The following ACACB variants were observed in gnomAD, a reference collection of about 807,000 sequenced individuals.
ACACB encodes the protein acetyl-CoA carboxylase 2.
ACACB carries 209 observed loss-of-function variants against 278.8 expected under a neutral mutation model. That is an observed-to-expected ratio of 0.75 (90% CI 0.67 to 0.84). The LOEUF is 0.84. Ranked by LOEUF, ACACB falls within the 40% of genes least tolerant of loss-of-function variation. ACACB has a pLI of 0.00. For synonymous variants in ACACB, 1,174 were observed against 1,285.6 expected (o/e 0.91, Z 1.86); for missense variants, 2,850 against 3,269.0 (o/e 0.87, Z 3.13).
rs149739133 is a variant in ACACB at position 109,206,745 on chromosome 12, G to A, written c.2949G>A (p.Gln983=). 19 of 1,614,022 alleles carry A rather than the reference G, an allele frequency of 1.2e-5. No homozygotes were observed. Among genetic ancestry groups the A allele is most frequent in the Non-Finnish European group, 1.4e-5 (17 of 1,180,030 alleles). Residue 983 remains glutamine (Q), a synonymous_variant, in exon 20 of 53, where the codon CAG becomes CAA. Transcript: ENST00000338432. ...EPFTGELPAQ[Q]TLPILGEKLH... ...TCACAGGAGAACTCCCTGCCCAGCAGACACTGCCCATCCTCGGAGAGAAAC... is the reference window on the plus strand; with the variant it reads ...TCACAGGAGAACTCCCTGCCCAGCAAACACTGCCCATCCTCGGAGAGAAAC...
In ACACB at chr12:109,179,304, T is replaced by C. The variant is rs761045560; in HGVS notation, c.1647+7T>C. ...ATTCGAGTTCATGGAGCAGGTACACTTCTCAGAGCCCAGGGGGCAGCTTCA... is the reference window on the plus strand; with the variant it reads ...ATTCGAGTTCATGGAGCAGGTACACCTCTCAGAGCCCAGGGGGCAGCTTCA... On this transcript the variant is annotated splice_region_variant and intron_variant, in intron 10 of 52. Coordinates refer to ENST00000338432, the MANE Select transcript of ACACB (RefSeq NM_001093.4). The C allele has an allele frequency of 6.8e-6, 11 of 1,611,682 alleles. No homozygotes were observed. The highest frequency in any genetic ancestry group is 8.5e-6 in the Non-Finnish European group (10 of 1,179,392).
In ACACB at chr12:109,216,601, C is replaced by G. The variant is rs143715871; in HGVS notation, c.3351-17C>G. The G allele has an allele frequency of 9.3e-6, 15 of 1,612,944 alleles. No homozygotes were observed. Among genetic ancestry groups the G allele is most frequent in the Admixed American group, 1.7e-5 (1 of 59,982 alleles). On this transcript the variant is annotated splice_polypyrimidine_tract_variant and intron_variant, in intron 22 of 52. Coordinates refer to ENST00000338432, the MANE Select transcript of ACACB (RefSeq NM_001093.4). ...GGAAGGGTGTGAGCATTAAGAGCAG[C>G]CTTCCCTTCTCCCCAGATACCGCAG...
rs1350439141 is a variant in ACACB at position 109,233,848 on chromosome 12, G to A, written c.4239+1G>A. 3 of 1,614,172 alleles carry A rather than the reference G, an allele frequency of 1.9e-6. No homozygotes were observed. The highest frequency in any genetic ancestry group is 1.1e-5 in the South Asian group (1 of 91,076). ...CCTATACTCCGAGGATGACTGCAAG[G>A]TAAGCGTCTAAGCCCAGGGAGCAAC... On this transcript the variant is annotated splice_donor_variant, in intron 30 of 52. Transcript: ENST00000338432. LOFTEE classifies it high-confidence loss of function.
At chr12:109,112,666 G>A (rs1351559513), upstream of ACACB, among the ~76,000 whole-genome samples, 1 of 125,932 alleles carries the variant, frequency 7.9e-6, no homozygotes, top group Non-Finnish European at 1.6e-5. Flanking sequence ...GGCAACAAGA[G>A]CATAAGAGCA....
intron 17 of ACACB, 86 bp from the exon 18 acceptor site, chr12:109,199,316 G>A: frequency 8.4e-7 from 1 of 1,193,966 alleles, no homozygotes; most frequent in Non-Finnish European, 1.1e-6. Flanking sequence ...CCTTTAGGAA[G>A]GGGAAATGGT....
At position 109,196,967 on chromosome 12, in the gene ACACB, C is replaced by T. The variant is rs1172818808; in HGVS notation, c.2482-41C>T. ...GGGGCCCAGCAGTGCTCTGGGAGCACATCCTGAACCCAGGCGGTGACAAGG... is the reference window on the plus strand; with the variant it reads ...GGGGCCCAGCAGTGCTCTGGGAGCATATCCTGAACCCAGGCGGTGACAAGG... On this transcript the variant is annotated intron_variant, in intron 16 of 52. Coordinates refer to ENST00000338432, the MANE Select transcript of ACACB (RefSeq NM_001093.4). 8.0e-6 allele frequency: 12 copies of T among 1,509,384 alleles called. No homozygotes were observed. The East Asian group carries it at 2.9e-4, about 36-fold the overall frequency. The allele number at this position is 1,509,384 out of a possible 1,614,324, so 93.5% of individuals were successfully genotyped here.
intron 2 of ACACB, among the ~76,000 whole-genome samples, chr12:109,146,108 GA>G (rs2043238037): frequency 6.6e-6 from 1 of 152,232 alleles, no homozygotes; most frequent in South Asian, 2.1e-4. Flanking sequence ...CTGCAAAATG[GA>G]AGCAGGGGCT....
chr12:109,133,987 T>C (rs1454426420), intron 1 of ACACB, among the ~76,000 whole-genome samples: 1 of 150,592 alleles, frequency 6.6e-6, no homozygotes, highest in Non-Finnish European at 1.5e-5. Flanking sequence ...GGTGCCATCA[T>C]GGCTCACTGT....
intron 37 of ACACB, among the ~76,000 whole-genome samples, chr12:109,244,771 T>C (rs944305835): frequency 4.6e-5 from 7 of 151,976 alleles, no homozygotes; most frequent in Admixed American, 2.0e-4. Context: ...TGTCTGTCTG[T>C]CTGCCTCTAT....
intron 1 of ACACB, among the ~76,000 whole-genome samples, chr12:109,126,697 A>G (rs1402777587): frequency 1.3e-5 from 2 of 150,892 alleles, no homozygotes; most frequent in African/African-American, 4.9e-5. Flanking sequence ...ACACACAAAA[A>G]AAATAAAAAA....
At chr12:109,255,114 A>ACG (rs1565977652) in intron 44 of ACACB, among the ~76,000 whole-genome samples, 1 of 152,056 alleles carries the variant, frequency 6.6e-6, no homozygotes, top group African/African-American at 2.4e-5. Flanking sequence ...ACACACACAC[A>ACG]CACGCACGTG....
chr12:109,115,531 G>T (rs2042386866), upstream of ACACB, among the ~76,000 whole-genome samples: 1 of 152,092 alleles, frequency 6.6e-6, no homozygotes, highest in Non-Finnish European at 1.5e-5. Context: ...GGCTACTGTG[G>T]CTAGAGAACA....
intron 11 of ACACB, among the ~76,000 whole-genome samples, chr12:109,180,811 G>T (rs1009261854): frequency 6.6e-6 from 1 of 152,070 alleles, no homozygotes; most frequent in African/African-American, 2.4e-5. Flanking sequence ...TTGTGTTATG[G>T]TGTTATGAAT....
At chr12:109,204,518 G>A (rs1481606185) in intron 19 of ACACB, among the ~76,000 whole-genome samples, 3 of 151,396 alleles carry the variant, frequency 2.0e-5, no homozygotes, top group South Asian at 2.1e-4. Context: ...CAGGTGATCC[G>A]CCCACCTCAG....
rs1376050338 is a variant in ACACB at position 109,180,038 on chromosome 12, C to T, written c.1769C>T (p.Pro590Leu). ...ELNPRLQVEH[P>L]CTEMIADVNL... The stretch of plus-strand genomic sequence containing the variant: ...AATCCTCGCTTGCAGGTGGAACATC[C>T]CTGCACAGAAATGATTGCTGATGTT... Residue 590 changes from proline (P) to leucine (L), a missense_variant, in exon 11 of 53, where the codon CCC becomes CTC. Pro to Leu is a moderately conservative substitution (Grantham distance 98). Transcript: ENST00000338432. The T allele has an allele frequency of 6.2e-7, 1 of 1,613,120 alleles. No homozygotes were observed. Among genetic ancestry groups the T allele is most frequent in the Non-Finnish European group, 8.5e-7 (1 of 1,179,990 alleles).
chr12:109,144,089 G>A (rs549704718), intron 2 of ACACB, among the ~76,000 whole-genome samples: 23 of 152,234 alleles, frequency 1.5e-4, no homozygotes, highest in Non-Finnish European at 2.8e-4. Flanking sequence ...GAGGTGGGTG[G>A]ATTGCCTGAG....
At chr12:109,209,109 C>T (rs990457776) in intron 20 of ACACB, 56 bp from the exon 21 acceptor site, 16 of 1,512,638 alleles carry the variant, frequency 1.1e-5, no homozygotes, top group African/African-American at 4.1e-5. Context: ...CTGTTTGGGG[C>T]GGTGGTGCCC....
chr12:109,120,122 G>A (rs2042508199), intron 1 of ACACB, among the ~76,000 whole-genome samples: 2 of 152,176 alleles, frequency 1.3e-5, no homozygotes, highest in Non-Finnish European at 2.9e-5. Context: ...TTTCTCTGCT[G>A]TGTTATAAGG....
chr12:109,245,563 G>A, intron 37 of ACACB, 63 bp from the exon 38 acceptor site: 1 of 1,557,296 alleles, frequency 6.4e-7, no homozygotes, highest in East Asian at 2.3e-5. Context: ...ATCTCTGTCT[G>A]GGAAAGATAG....
Sources: gnomAD v4.1 joint callset for allele counts (sites outside exome capture counted in the v4.1 genomes callset) on GRCh38, gnomAD v4.1.1 for gene constraint, MANE v1.5 for transcripts, NCBI Gene and HGNC (gene_info 2026-07-23, HGNC 2026-07-21) for gene names.